FMNL2: variants seen among roughly 807,000 people sequenced by gnomAD.
The protein encoded by FMNL2 is formin like 2.
A neutral mutation model predicts 130.2 loss-of-function variants in FMNL2; 51 were observed. The observed-to-expected ratio is 0.39, with a 90% CI of 0.31 to 0.49. The LOEUF (loss-of-function observed/expected upper bound fraction) is 0.49. FMNL2 is among the 20% of genes least tolerant of loss of function. The pLI is 0.85. For synonymous variants in FMNL2, 465 were observed against 467.1 expected (o/e 1.00, Z 0.06); for missense variants, 977 against 1,316.2 (o/e 0.74, Z 3.99).
intron 2 of FMNL2, among the ~76,000 whole-genome samples, chr2:152,527,732 T>C (rs1693466406): frequency 6.6e-6 from 1 of 152,196 alleles, no homozygotes; most frequent in Non-Finnish European, 1.5e-5. Context: ...GCTCATATGA[T>C]CACTTCTTTG....
chr2:152,534,648 A>G (rs1363009044), intron 2 of FMNL2, among the ~76,000 whole-genome samples: 2 of 147,100 alleles, frequency 1.4e-5, no homozygotes. Flanking sequence ...ATACATGACC[A>G]TCTCTGGGGA....
At chr2:152,562,824 T>C (rs994254969) in intron 6 of FMNL2, among the ~76,000 whole-genome samples, 5 of 152,200 alleles carry the variant, frequency 3.3e-5, no homozygotes, top group African/African-American at 1.2e-4. Context: ...GGTACTGGAA[T>C]GGAAATTCTC....
At chr2:152,578,854 T>A in intron 7 of FMNL2, 34 bp from the exon 8 acceptor site, 1 of 1,575,308 alleles carries the variant, frequency 6.3e-7, no homozygotes, top group South Asian at 1.2e-5. Flanking sequence ...CTCCCAATGC[T>A]TTGTGTTTCT....
In FMNL2 at chr2:152,437,716, A is replaced by G. The variant is rs372446796; in HGVS notation, c.118-84227A>G. Among the ~76,000 whole-genome samples, 3 of 152,220 alleles carry G rather than the reference A, an allele frequency of 2.0e-5. No individual in the cohort carries two copies. In the East Asian group the frequency reaches 5.8e-4, roughly 29 times the overall value. ...ATGGCTAGGATACCATGGTACCTTG[A>G]TAAGAATTCCAGATTCAAACAACAG... On this transcript the variant is annotated intron_variant, in intron 1 of 25. Transcript: ENST00000288670.
intron 10 of FMNL2, among the ~76,000 whole-genome samples, chr2:152,608,554 A>G (rs961341083): frequency 1.3e-5 from 2 of 148,628 alleles, no homozygotes; most frequent in Non-Finnish European, 3.0e-5. Context: ...ATATACATAT[A>G]TATGTATATA....
intron 1 of FMNL2, among the ~76,000 whole-genome samples, chr2:152,512,290 T>C (rs1459773244): frequency 6.6e-6 from 1 of 152,226 alleles, no homozygotes; most frequent in Non-Finnish European, 1.5e-5. Context: ...AAAAATTGCA[T>C]GAGTGATTCT....
At chr2:152,437,134 G>GCTT (rs1687810737) in intron 1 of FMNL2, among the ~76,000 whole-genome samples, 1 of 152,060 alleles carries the variant, frequency 6.6e-6, no homozygotes, top group African/African-American at 2.4e-5. Context: ...ATTCATAAGG[G>GCTT]CTTTACCCAT....
At chr2:152,509,736 C>CTTTTT (rs1692386090) in intron 1 of FMNL2, among the ~76,000 whole-genome samples, 6 of 22,128 alleles carry the variant, frequency 2.7e-4, no homozygotes, top group Admixed American at 6.7e-4. Context: ...GTACTCTGGA[C>CTTTTT]CTTTTTTTTT....
intron 2 of FMNL2, among the ~76,000 whole-genome samples, chr2:152,533,280 A>G (rs1415657955): frequency 3.3e-5 from 5 of 152,118 alleles, no homozygotes; most frequent in African/African-American, 9.7e-5. Flanking sequence ...TCATCTGTCT[A>G]TCTATCATCT....
At chr2:152,552,744 C>A (rs1179286620) in intron 4 of FMNL2, among the ~76,000 whole-genome samples, 1 of 152,118 alleles carries the variant, frequency 6.6e-6, no homozygotes, top group Non-Finnish European at 1.5e-5. Context: ...TTGAAATGAT[C>A]CACATAGTGT....
rs781774835 is a variant in FMNL2 at position 152,542,838 on chromosome 2, C to T, written c.282+19C>T. 6.2e-7 allele frequency: 1 copy of T among 1,612,174 alleles called. No individual in the cohort carries two copies. The highest frequency in any genetic ancestry group is 8.5e-7 in the Non-Finnish European group (1 of 1,178,350). ...CAGGAAGGTAAGATGGATTTGTTTC[C>T]ACTCTTTGTTATTGCTTCCTTATTA... is the stretch of plus-strand genomic sequence containing the variant. On this transcript the variant is annotated intron_variant, in intron 3 of 25. Transcript: ENST00000288670.
chr2:152,597,241 A>G (rs1697818343), intron 9 of FMNL2, among the ~76,000 whole-genome samples: 1 of 152,226 alleles, frequency 6.6e-6, no homozygotes, highest in African/African-American at 2.4e-5. Flanking sequence ...TTTAAATTAA[A>G]AGGTGCACTT....
chr2:152,611,304 A>T (rs140710129), intron 10 of FMNL2, among the ~76,000 whole-genome samples, 191 bp from the exon 11 acceptor site: 1 of 152,128 alleles, frequency 6.6e-6, no homozygotes, highest in South Asian at 2.1e-4. Flanking sequence ...ATGCCACTGC[A>T]CTCCAGTCTG....
chr2:152,342,989 A>G (rs1247365594), intron 1 of FMNL2, among the ~76,000 whole-genome samples: 3 of 152,208 alleles, frequency 2.0e-5, no homozygotes, highest in East Asian at 3.8e-4. Context: ...CAAACTCTCT[A>G]TGATTTCTAG....
intron 1 of FMNL2, among the ~76,000 whole-genome samples, chr2:152,440,506 C>T (rs976371468): frequency 6.6e-5 from 10 of 152,136 alleles, no homozygotes; most frequent in African/African-American, 2.4e-4. Flanking sequence ...GGAATTCTTC[C>T]CTTTGCCTTA....
intron 1 of FMNL2, among the ~76,000 whole-genome samples, chr2:152,514,330 G>A (rs959083848): frequency 2.0e-5 from 3 of 152,078 alleles, no homozygotes; most frequent in African/African-American, 7.2e-5. Flanking sequence ...GAAATTATCT[G>A]GTTTGATGTC....
intron 1 of FMNL2, among the ~76,000 whole-genome samples, chr2:152,357,842 C>T (rs907707263): frequency 1.3e-5 from 2 of 152,200 alleles, no homozygotes; most frequent in South Asian, 2.1e-4. Flanking sequence ...AATTCAGTGT[C>T]CATGGTGACT....
chr2:152,505,349 G>A (rs993803201), intron 1 of FMNL2, among the ~76,000 whole-genome samples: 3 of 152,092 alleles, frequency 2.0e-5, no homozygotes, highest in Non-Finnish European at 4.4e-5. Context: ...CTAAGGGCAG[G>A]TTGAGTTACA....
At chr2:152,644,330 T>G (rs1187447945) in intron 25 of FMNL2, among the ~76,000 whole-genome samples, 2 of 152,348 alleles carry the variant, frequency 1.3e-5, no homozygotes, top group East Asian at 3.9e-4. Flanking sequence ...CATAATCACC[T>G]GCCATATGAA....
Sources: allele counts gnomAD v4.1 joint callset (sites outside exome capture counted in the v4.1 genomes callset), GRCh38; gene constraint gnomAD v4.1.1; transcripts MANE v1.5; gene names NCBI Gene and HGNC (gene_info 2026-07-23, HGNC 2026-07-21).